Variants in KCNT2 observed in about 807,000 individuals in gnomAD.
KCNT2 encodes potassium sodium-activated channel subfamily T member 2.
A neutral mutation model predicts 153.8 loss-of-function variants in KCNT2; 67 were observed. That is an observed-to-expected ratio of 0.44 (90% CI 0.36 to 0.53). The LOEUF (loss-of-function observed/expected upper bound fraction) is 0.53. Ranked by LOEUF, KCNT2 falls within the 20% of genes least tolerant of loss-of-function variation. KCNT2 has a pLI of 0.00. For missense variants in KCNT2, 975 were observed against 1,354.8 expected (o/e 0.72, Z 4.40); for synonymous variants, 500 against 458.8 (o/e 1.09, Z -1.15).
At chr1:196,295,980 G>A (rs1174086032) in intron 22 of KCNT2, among the ~76,000 whole-genome samples, 1 of 151,908 alleles carries the variant, frequency 6.6e-6, no homozygotes, top group Non-Finnish European at 1.5e-5. Context: ...GCTGAGTCTA[G>A]ACTACTTTGT....
At chr1:196,506,203 A>C (rs1391223593) in intron 1 of KCNT2, among the ~76,000 whole-genome samples, 3 of 152,304 alleles carry the variant, frequency 2.0e-5, no homozygotes, top group Admixed American at 6.5e-5. Context: ...ACCAGGTCTG[A>C]TAACTATTCT....
intron 5 of KCNT2, among the ~76,000 whole-genome samples, chr1:196,478,418 A>T (rs1021751637): frequency 5.3e-5 from 8 of 152,170 alleles, no homozygotes; most frequent in Admixed American, 3.9e-4. Flanking sequence ...GCTGCTATAC[A>T]ATGCCCCCAT....
At chr1:196,450,327 T>C (rs1676046734) in intron 8 of KCNT2, among the ~76,000 whole-genome samples, 1 of 151,930 alleles carries the variant, frequency 6.6e-6, no homozygotes, top group Non-Finnish European at 1.5e-5. Context: ...GTGATTTTAG[T>C]GATCATTCAT....
At chr1:196,563,713 A>G (rs146284436) in intron 1 of KCNT2, among the ~76,000 whole-genome samples, 27 of 152,106 alleles carry the variant, frequency 1.8e-4, no homozygotes, top group Admixed American at 4.6e-4. Flanking sequence ...TATTCAACAT[A>G]TGCAAATCAA....
At position 196,279,369 on chromosome 1, in the gene KCNT2, A is replaced by G. The variant is rs376839508; in HGVS notation, c.2910+1491T>C. Among the ~76,000 whole-genome samples, 180 of 152,206 alleles carry G rather than the reference A, an allele frequency of 1.2e-3. 1 individual carries two copies. Among genetic ancestry groups the G allele is most frequent in the African/African-American group, 4.2e-3 (174 of 41,536 alleles). ...AGTGTGAACCACAACCACCACAGGAAAAGAAAAACTCAGACTCAGGAGGAG... is the reference window on the plus strand; with the variant it reads ...AGTGTGAACCACAACCACCACAGGAGAAGAAAAACTCAGACTCAGGAGGAG... On this transcript the variant is annotated intron_variant, in intron 25 of 27. Coordinates refer to ENST00000294725, the MANE Select transcript of KCNT2 (RefSeq NM_198503.5).
intron 1 of KCNT2, among the ~76,000 whole-genome samples, chr1:196,590,068 C>T (rs1459188806): frequency 6.6e-6 from 1 of 152,078 alleles, no homozygotes; most frequent in Non-Finnish European, 1.5e-5. Context: ...ATCCCCGTAA[C>T]AAAACTGCAC....
chr1:196,471,664 G>A (rs915767798), intron 5 of KCNT2, among the ~76,000 whole-genome samples: 1 of 152,128 alleles, frequency 6.6e-6, no homozygotes, highest in African/African-American at 2.4e-5. Context: ...AGCAAAATTC[G>A]TATGAACTGT....
chr1:196,339,538 GA>G (rs1665399633), intron 16 of KCNT2, among the ~76,000 whole-genome samples: 1 of 151,574 alleles, frequency 6.6e-6, no homozygotes, highest in Non-Finnish European at 1.5e-5. Flanking sequence ...GAGAGAGAGA[GA>G]GAGAGAGAGA....
intron 1 of KCNT2, among the ~76,000 whole-genome samples, chr1:196,550,139 T>C (rs1657700217): frequency 6.6e-6 from 1 of 151,920 alleles, no homozygotes; most frequent in Non-Finnish European, 1.5e-5. Context: ...GAGTGTTCAA[T>C]AGAAATCAAA....
chr1:196,426,049 G>A, intron 10 of KCNT2, 61 bp from the exon 11 acceptor site: 1 of 1,279,190 alleles, frequency 7.8e-7, no homozygotes, highest in Non-Finnish European at 1.1e-6. Flanking sequence ...ACACTACATA[G>A]AAAAATAAAA....
At chr1:196,284,248 A>AAAAATATAT in intron 23 of KCNT2, among the ~76,000 whole-genome samples, 3 of 10,050 alleles carry the variant, frequency 3.0e-4, no homozygotes, top group Non-Finnish European at 5.3e-4. Flanking sequence ...AAAAAAAAAA[A>AAAAATATAT]ATATATATAT....
Position 196,277,225 on chromosome 1 carries a change from T to C in KCNT2, c.2910+3635A>G, listed in dbSNP as rs146646707. 2.4e-4 allele frequency among the ~76,000 whole-genome samples: 36 copies of C among 152,266 alleles called. No homozygotes were observed. In the East Asian group the frequency reaches 2.7e-3, roughly 11 times the overall value. ...TTTCACTTCTGTTGGGAATTTTTAGTTGTCTTCTTCTTAGAGTAAATGACT... is the reference window on the plus strand; with the variant it reads ...TTTCACTTCTGTTGGGAATTTTTAGCTGTCTTCTTCTTAGAGTAAATGACT... On this transcript the variant is annotated intron_variant, in intron 25 of 27. Transcript: ENST00000294725.
intron 1 of KCNT2, among the ~76,000 whole-genome samples, chr1:196,592,417 G>T (rs964288404): frequency 5.4e-5 from 8 of 147,204 alleles, no homozygotes; most frequent in African/African-American, 1.5e-4. Flanking sequence ...AGATAAAAAA[G>T]ATATATATAT....
chr1:196,583,299 G>C (rs746281089), intron 1 of KCNT2, among the ~76,000 whole-genome samples: 2 of 152,080 alleles, frequency 1.3e-5, no homozygotes, highest in Non-Finnish European at 2.9e-5. Flanking sequence ...GTGGCTGGTT[G>C]CATGTTGGTA....
intron 13 of KCNT2, among the ~76,000 whole-genome samples, chr1:196,378,898 C>T (rs925253610): frequency 6.7e-6 from 1 of 149,490 alleles, no homozygotes; most frequent in African/African-American, 2.4e-5. Flanking sequence ...ACTACTACCT[C>T]CCCCAGTATT....
chr1:196,239,417 G>T (rs1173039251), intron 26 of KCNT2, among the ~76,000 whole-genome samples: 1 of 151,800 alleles, frequency 6.6e-6, no homozygotes, highest in South Asian at 2.1e-4. Flanking sequence ...CATTTACAAA[G>T]AAACTTCTTT....
chr1:196,382,858 G>C (rs1669628161), intron 13 of KCNT2, among the ~76,000 whole-genome samples: 1 of 152,034 alleles, frequency 6.6e-6, no homozygotes, highest in Non-Finnish European at 1.5e-5. Context: ...TGAGCTGCCT[G>C]AACATGAGTT....
chr1:196,389,937 G>A (rs1670326105), intron 13 of KCNT2, among the ~76,000 whole-genome samples: 1 of 151,548 alleles, frequency 6.6e-6, no homozygotes, highest in East Asian at 1.9e-4. Context: ...CTCCCACCCT[G>A]TCTGAGCACT....
intron 13 of KCNT2, 109 bp from the exon 14 acceptor site, chr1:196,373,357 C>T: frequency 3.2e-6 from 2 of 621,656 alleles, no homozygotes; most frequent in Admixed American, 2.8e-5. Flanking sequence ...TATAAACATA[C>T]TTGTTTTAGA....
Sources: gnomAD v4.1 joint callset for allele counts (sites outside exome capture counted in the v4.1 genomes callset) on GRCh38, gnomAD v4.1.1 for gene constraint, MANE v1.5 for transcripts, NCBI Gene and HGNC (gene_info 2026-07-23, HGNC 2026-07-21) for gene names.